The following SHISA9 variants were observed in gnomAD, a reference collection of about 807,000 sequenced individuals.
SHISA9 encodes the protein shisa family member 9.
SHISA9 carries 13 observed loss-of-function variants against 38.0 expected under a neutral mutation model. That is an observed-to-expected ratio of 0.34 (90% CI 0.22 to 0.54). The LOEUF (loss-of-function observed/expected upper bound fraction) is 0.54, where lower values mean the gene tolerates loss of function less well. Ranked by LOEUF, SHISA9 falls within the 20% of genes least tolerant of loss-of-function variation. The probability of loss-of-function intolerance (pLI) is 0.91; values close to 1 mark genes in which losing one functional copy is unlikely to be tolerated. For missense variants in SHISA9, 538 were observed against 575.8 expected, an observed-to-expected ratio of 0.93 and a Z score of 0.67; for synonymous variants, 275 against 242.0, an observed-to-expected ratio of 1.14 and a Z score of -1.27.
the SHISA9 span, among the ~76,000 whole-genome samples, chr16:13,324,948 G>A: frequency 1.2e-4 from 19 of 152,354 alleles, no homozygotes; most frequent in East Asian, 3.9e-4. Context: ...GGATATTGTT[G>A]AAAGAGTTAA....
rs1567239838 is a variant in SHISA9 at position 13,187,336 on chromosome 16, T to TTTC, written c.692-16056_692-16055insCTT. On this transcript the variant is annotated intron_variant, in intron 2 of 4. Coordinates refer to ENST00000558583, the MANE Select transcript of SHISA9 (RefSeq NM_001145204.3). ...TTCTTTTCTTTTCTTTTCTTTTTTT[T>TTTC]TTTTTTTTTTTTTTTTGAGGCAGAG... 5.0e-3 allele frequency among the ~76,000 whole-genome samples: 583 copies of TTTC among 116,246 alleles called. 4 individuals carry two copies. Among genetic ancestry groups the TTTC allele is most frequent in the East Asian group, 0.021 (98 of 4,780 alleles). 76.3% of individuals were successfully genotyped at this position (116,246 alleles called of 152,430 possible).
At chr16:13,272,090 AAAGAG>A in the SHISA9 span, among the ~76,000 whole-genome samples, 129 of 81,342 alleles carry the variant, frequency 1.6e-3, no homozygotes, top group African/African-American at 3.5e-3. Context: ...AAAAAAAAAA[AAAGAG>A]AGAGAGAAAA....
In SHISA9 at chr16:13,190,285, G is replaced by C. The variant is rs577449615; in HGVS notation, c.692-13109G>C. 3.6e-5 allele frequency among the ~76,000 whole-genome samples: 5 copies of C among 137,868 alleles called. No individual in the cohort carries two copies. In the South Asian group the frequency reaches 1.1e-3, roughly 31 times the overall value. 90.4% of individuals were successfully genotyped at this position (137,868 alleles called of 152,430 possible). ...GTGATATTCCCCTTCCTGTGTCCAT[G>C]TGTTCTCATTGTTCAATTCCCACCT... On this transcript the variant is annotated intron_variant, in intron 2 of 4. Coordinates refer to ENST00000558583, the MANE Select transcript of SHISA9 (RefSeq NM_001145204.3).
chr16:12,928,328 G>GTGTGTGTGTA (rs1444528883), intron 2 of SHISA9, among the ~76,000 whole-genome samples: 1 of 141,256 alleles, frequency 7.1e-6, no homozygotes, highest in Non-Finnish European at 1.6e-5. Flanking sequence ...GTGTGTGTGT[G>GTGTGTGTGTA]TGTATGTGTG....
At chr16:13,255,901 C>T in the SHISA9 span, among the ~76,000 whole-genome samples, 241 of 152,334 alleles carry the variant, frequency 1.6e-3, 1 homozygote, top group East Asian at 0.028. Flanking sequence ...AGCTCACTCT[C>T]CATACTGCAG....
the SHISA9 span, among the ~76,000 whole-genome samples, chr16:13,415,518 C>A: frequency 7.9e-5 from 12 of 152,210 alleles, no homozygotes; most frequent in East Asian, 2.3e-3. Context: ...ATGAAATAAT[C>A]TGTACAACAA....
chr16:13,246,023 C>T, the SHISA9 span, among the ~76,000 whole-genome samples: 1 of 152,192 alleles, frequency 6.6e-6, no homozygotes, highest in Non-Finnish European at 1.5e-5. Flanking sequence ...ACAAACCTCA[C>T]TGTCCCAGAA....
the SHISA9 span, among the ~76,000 whole-genome samples, chr16:13,438,867 A>G: frequency 2.0e-5 from 3 of 152,252 alleles, no homozygotes; most frequent in Non-Finnish European, 4.4e-5. Flanking sequence ...TTCCTTTGCA[A>G]AATGAGGTCC....
chr16:13,423,038 T>A, the SHISA9 span, among the ~76,000 whole-genome samples: 4 of 152,200 alleles, frequency 2.6e-5, no homozygotes, highest in Non-Finnish European at 5.9e-5. Flanking sequence ...CTTGCACAAA[T>A]AATTTAGTGT....
chr16:12,983,190 T>C (rs2072262860), intron 2 of SHISA9, among the ~76,000 whole-genome samples: 1 of 152,166 alleles, frequency 6.6e-6, no homozygotes, highest in Admixed American at 6.5e-5. Flanking sequence ...CAGAATATAA[T>C]AGGCCCAGAG....
At chr16:13,374,746 C>G in the SHISA9 span, among the ~76,000 whole-genome samples, 32 of 152,300 alleles carry the variant, frequency 2.1e-4, no homozygotes, top group African/African-American at 7.7e-4. Flanking sequence ...GCCACACTGT[C>G]TTCCACAATG....
intron 2 of SHISA9, among the ~76,000 whole-genome samples, chr16:12,992,868 T>C (rs2072406088): frequency 6.6e-6 from 1 of 152,200 alleles, no homozygotes; most frequent in East Asian, 1.9e-4. Context: ...GCACTTCACA[T>C]GCTTTATCTC....
the SHISA9 span, among the ~76,000 whole-genome samples, chr16:13,371,115 C>T: frequency 1.3e-5 from 2 of 152,074 alleles, no homozygotes; most frequent in African/African-American, 4.8e-5. Flanking sequence ...TTAATTAATC[C>T]CCAAAATACA....
intron 2 of SHISA9, among the ~76,000 whole-genome samples, chr16:13,040,692 T>C (rs2073123143): frequency 6.6e-6 from 1 of 152,214 alleles, no homozygotes; most frequent in African/African-American, 2.4e-5. Flanking sequence ...CCCAGTAGAA[T>C]TTTGAAATTG....
the SHISA9 span, among the ~76,000 whole-genome samples, chr16:13,299,058 C>A: frequency 6.6e-6 from 1 of 152,184 alleles, no homozygotes; most frequent in African/African-American, 2.4e-5. Flanking sequence ...AAGGGGCCTA[C>A]AGAAGGATGC....
chr16:13,270,760 A>C, the SHISA9 span, among the ~76,000 whole-genome samples: 1 of 152,244 alleles, frequency 6.6e-6, no homozygotes, highest in African/African-American at 2.4e-5. Flanking sequence ...CTGTCACTAA[A>C]TATGATTTTT....
chr16:13,373,547 G>A, the SHISA9 span, among the ~76,000 whole-genome samples: 1 of 152,148 alleles, frequency 6.6e-6, no homozygotes, highest in African/African-American at 2.4e-5. Context: ...CAGATCATGA[G>A]GTCAGGAGAT....
At chr16:13,090,983 A>C (rs929462989) in intron 2 of SHISA9, among the ~76,000 whole-genome samples, 1 of 152,160 alleles carries the variant, frequency 6.6e-6, no homozygotes, top group Admixed American at 6.6e-5. Flanking sequence ...AACCCTTGTA[A>C]GGCAGGCCTG....
intron 2 of SHISA9, among the ~76,000 whole-genome samples, chr16:13,127,197 G>T (rs2050267386): frequency 7.6e-6 from 1 of 131,774 alleles, no homozygotes; most frequent in Non-Finnish European, 1.6e-5. Flanking sequence ...GAGAGAGAAA[G>T]AAAGAGGGAG....
Sources: allele counts gnomAD v4.1 joint callset (sites outside exome capture counted in the v4.1 genomes callset), GRCh38; gene constraint gnomAD v4.1.1; transcripts MANE v1.5; gene names NCBI Gene and HGNC (gene_info 2026-07-23, HGNC 2026-07-21).